WWC2: variants seen among roughly 807,000 people sequenced by gnomAD.
WWC2 encodes protein WWC2.
Under a neutral mutation model 138.5 loss-of-function variants are expected in WWC2, and 101 were observed. The ratio of observed to expected loss-of-function variants is 0.73; its 90% CI spans 0.62 to 0.86. WWC2 has a LOEUF of 0.86. Ranked by LOEUF, WWC2 falls within the 40% of genes least tolerant of loss-of-function variation. The pLI, the probability that WWC2 is intolerant of heterozygous loss-of-function variation, is 0.00. For missense variants in WWC2, 1,420 were observed against 1,419.4 expected (o/e 1.00, Z -0.01); for synonymous variants, 558 against 538.4 (o/e 1.04, Z -0.50).
intron 4 of WWC2, among the ~76,000 whole-genome samples, chr4:183,217,064 G>T (rs1222279219): frequency 6.6e-6 from 1 of 152,134 alleles, no homozygotes; most frequent in African/African-American, 2.4e-5. Flanking sequence ...GTGCTGCATT[G>T]GACTTCTTCT....
At chr4:183,133,036 T>A (rs1346944559) in intron 1 of WWC2, among the ~76,000 whole-genome samples, 1 of 151,866 alleles carries the variant, frequency 6.6e-6, no homozygotes, top group Non-Finnish European at 1.5e-5. Flanking sequence ...TTTTTCCTTT[T>A]CTTTTCCCTT....
chr4:183,280,626 T>A, intron 16 of WWC2, 150 bp from the exon 17 acceptor site: 3 of 897,336 alleles, frequency 3.3e-6, no homozygotes, highest in Non-Finnish European at 4.9e-6. Flanking sequence ...TTGCTTGTTT[T>A]GGGTTCTATT....
At chr4:183,179,271 G>T (rs1364296107) in intron 1 of WWC2, among the ~76,000 whole-genome samples, 1 of 151,990 alleles carries the variant, frequency 6.6e-6, no homozygotes, top group Non-Finnish European at 1.5e-5. Flanking sequence ...GAGAGCTGGT[G>T]GTCAAAGAGA....
At chr4:183,111,115 T>C (rs527491012) in intron 1 of WWC2, among the ~76,000 whole-genome samples, 10 of 152,112 alleles carry the variant, frequency 6.6e-5, no homozygotes, top group South Asian at 4.2e-4. Flanking sequence ...TGGCAGGCGC[T>C]GGTAGTCCCA....
chr4:183,174,809 C>G (rs920141057), intron 1 of WWC2, among the ~76,000 whole-genome samples: 4 of 152,016 alleles, frequency 2.6e-5, no homozygotes, highest in South Asian at 2.1e-4. Flanking sequence ...CTCTCTCTCT[C>G]TGTCTCTCTC....
intron 4 of WWC2, among the ~76,000 whole-genome samples, chr4:183,217,590 A>G (rs1735792476): frequency 6.6e-6 from 1 of 152,160 alleles, no homozygotes; most frequent in African/African-American, 2.4e-5. Flanking sequence ...AATATATTAA[A>G]AAAAACAAAA....
chr4:183,293,094 A>G (rs1233430379), intron 21 of WWC2, among the ~76,000 whole-genome samples: 3 of 152,150 alleles, frequency 2.0e-5, no homozygotes, highest in East Asian at 1.9e-4. Flanking sequence ...AGCTGGGGCT[A>G]CAGGTGCACA....
chr4:183,272,432 T>C (rs1737720975), intron 16 of WWC2, among the ~76,000 whole-genome samples: 1 of 152,246 alleles, frequency 6.6e-6, no homozygotes, highest in South Asian at 2.1e-4. Flanking sequence ...TCATACATCA[T>C]ACATTTCACC....
chr4:183,226,023 A>G (rs905731681), intron 4 of WWC2, among the ~76,000 whole-genome samples: 1 of 152,170 alleles, frequency 6.6e-6, no homozygotes, highest in African/African-American at 2.4e-5. Flanking sequence ...GATGCCAGCT[A>G]AGTTAGAAGT....
At chr4:183,171,978 ATAT>A (rs1392447549) in intron 1 of WWC2, among the ~76,000 whole-genome samples, 1 of 152,152 alleles carries the variant, frequency 6.6e-6, no homozygotes, top group Non-Finnish European at 1.5e-5. Context: ...GACTATGTAA[ATAT>A]TATTCATGGA....
chr4:183,221,836 G>T (rs73870369), intron 4 of WWC2, among the ~76,000 whole-genome samples: 8,473 of 152,106 alleles, frequency 0.056, 774 homozygotes, highest in African/African-American at 0.19. Context: ...TTGGAAAGCG[G>T]GTTAGCGATT....
intron 1 of WWC2, among the ~76,000 whole-genome samples, chr4:183,161,678 T>A (rs1014787348): frequency 6.6e-6 from 1 of 152,166 alleles, no homozygotes; most frequent in Non-Finnish European, 1.5e-5. Context: ...ATACTTACCA[T>A]TGCGTTACAG....
chr4:183,197,797 G>A (rs1037555822), intron 2 of WWC2, among the ~76,000 whole-genome samples: 10 of 152,232 alleles, frequency 6.6e-5, no homozygotes, highest in Admixed American at 1.3e-4. Context: ...GATTTTAAGC[G>A]TGTATTTTGG....
Position 183,319,487 on chromosome 4 carries a change from G to A in WWC2, c.*3758G>A. On this transcript the variant is annotated 3_prime_UTR_variant, in exon 23 of 23. Transcript: ENST00000403733. ...TCAAAAGCACAGTGAGATGACTAGA[G>A]CGGGACATCCTACCAAATCCAGTGT... The A allele has an allele frequency of 7.0e-7, 1 of 1,434,582 alleles. No individual in the cohort carries two copies. The highest frequency in any genetic ancestry group is 9.5e-7 in the Non-Finnish European group (1 of 1,057,328). 88.9% of individuals were successfully genotyped at this position (1,434,582 alleles called of 1,614,324 possible). A position where few individuals can be genotyped will look rare whatever the true frequency, so the allele number is the denominator to read the frequency against.
At chr4:183,152,446 C>T (rs1213018999) in intron 1 of WWC2, among the ~76,000 whole-genome samples, 1 of 151,204 alleles carries the variant, frequency 6.6e-6, no homozygotes, top group East Asian at 1.9e-4. Flanking sequence ...TTGCAGTGAG[C>T]TGAGATTGTG....
In WWC2 at chr4:183,288,675, T is replaced by C. The variant is rs532042345; in HGVS notation, c.3142-718T>C. Among the ~76,000 whole-genome samples, 102 of 152,306 alleles carry C rather than the reference T, an allele frequency of 6.7e-4. 2 individuals carry two copies. The South Asian group carries it at 0.02, about 30-fold the overall frequency. ...TTTGCCTGCACAGCCCCAGCAGACA[T>C]TTATTCATATATGTTCAATAATTAT... On this transcript the variant is annotated intron_variant, in intron 20 of 22. Transcript: ENST00000403733.
intron 22 of WWC2, among the ~76,000 whole-genome samples, chr4:183,313,954 C>T (rs950377806): frequency 3.3e-5 from 5 of 151,528 alleles, no homozygotes; most frequent in Non-Finnish European, 4.4e-5. Flanking sequence ...TTTGTATAGA[C>T]GAGTCTTTGG....
chr4:183,204,811 T>C (rs1735400135), intron 2 of WWC2, among the ~76,000 whole-genome samples: 1 of 152,202 alleles, frequency 6.6e-6, no homozygotes, highest in African/African-American at 2.4e-5. Context: ...TCACTTTCTG[T>C]CATTGGATTG....
intron 5 of WWC2, chr4:183,240,752 G>C (rs185287818): frequency 6.6e-6 from 1 of 152,448 alleles, no homozygotes; most frequent in Non-Finnish European, 1.5e-5. Flanking sequence ...AGGGGAGCAA[G>C]AGCAAGTTAG....
Sources: gnomAD v4.1 joint callset for allele counts (sites outside exome capture counted in the v4.1 genomes callset) on GRCh38, gnomAD v4.1.1 for gene constraint, MANE v1.5 for transcripts, NCBI Gene and HGNC (gene_info 2026-07-23, HGNC 2026-07-21) for gene names.